The following CTTNBP2 variants were observed in gnomAD, a reference collection of about 807,000 sequenced individuals.
CTTNBP2 encodes cortactin binding protein 2.
Under a neutral mutation model 156.9 loss-of-function variants are expected in CTTNBP2, and 108 were observed. The observed-to-expected ratio is 0.69, with a 90% CI of 0.59 to 0.81. CTTNBP2 has a LOEUF of 0.81. CTTNBP2 is among the 30% of genes least tolerant of loss of function. The probability of loss-of-function intolerance (pLI) is 0.00; values close to 1 mark genes in which losing one functional copy is unlikely to be tolerated. For synonymous variants in CTTNBP2, 767 were observed against 751.8 expected (o/e 1.02, Z -0.33); for missense variants, 1,924 against 2,035.4 (o/e 0.95, Z 1.05).
chr7:117,793,629 T>C (rs1799158551), intron 3 of CTTNBP2: 1 of 152,144 alleles, frequency 6.6e-6, no homozygotes, highest in African/African-American at 2.4e-5. Context: ...CAGCCCTCTC[T>C]CCCTTCCTTG....
At chr7:117,860,234 A>T (rs1803622675) in intron 2 of CTTNBP2, among the ~76,000 whole-genome samples, 1 of 152,244 alleles carries the variant, frequency 6.6e-6, no homozygotes, top group South Asian at 2.1e-4. Flanking sequence ...GAAGGAAAAA[A>T]ACAAGCACCA....
chr7:117,817,685 A>C (rs1165667083), intron 2 of CTTNBP2, among the ~76,000 whole-genome samples: 1 of 151,998 alleles, frequency 6.6e-6, no homozygotes, highest in Non-Finnish European at 1.5e-5. Context: ...CATACTGACA[A>C]GCTTATAAGC....
chr7:117,732,476 C>T (rs1280635016), intron 16 of CTTNBP2, among the ~76,000 whole-genome samples: 1 of 145,500 alleles, frequency 6.9e-6, no homozygotes, highest in African/African-American at 2.8e-5. Flanking sequence ...TGGTGAAACC[C>T]CGTCTCTACT....
intron 17 of CTTNBP2, among the ~76,000 whole-genome samples, chr7:117,727,538 C>A (rs1175334941): frequency 6.6e-6 from 1 of 152,170 alleles, no homozygotes; most frequent in Non-Finnish European, 1.5e-5. Flanking sequence ...TAGACTTCTG[C>A]CCATGGCACC....
At chr7:117,806,736 T>C (rs1037049412) in intron 3 of CTTNBP2, among the ~76,000 whole-genome samples, 5 of 136,350 alleles carry the variant, frequency 3.7e-5, no homozygotes, top group Non-Finnish European at 6.1e-5. Flanking sequence ...TTCTTTCTTC[T>C]TTTTCTCATT....
At position 117,723,078 on chromosome 7, in the gene CTTNBP2, A is replaced by C. The variant is rs563985852; in HGVS notation, c.4447+1469T>G. On this transcript the variant is annotated intron_variant, in intron 19 of 22. Coordinates refer to ENST00000160373, the MANE Select transcript of CTTNBP2 (RefSeq NM_033427.3). ...GGTGGGCTGGAGTCTAGTGATTCTTACTCCCTAAATCAAACACTCTGACAA... is the reference window on the plus strand; with the variant it reads ...GGTGGGCTGGAGTCTAGTGATTCTTCCTCCCTAAATCAAACACTCTGACAA... 4.6e-5 allele frequency among the ~76,000 whole-genome samples: 7 copies of C among 152,238 alleles called. 1 individual carries two copies. In the South Asian group the frequency reaches 1.5e-3, roughly 32 times the overall value.
At position 117,780,047 on chromosome 7, in the gene CTTNBP2, A is replaced by C. The variant is rs528747470; in HGVS notation, c.2523+394T>G. On this transcript the variant is annotated intron_variant, in intron 7 of 22. Coordinates refer to ENST00000160373, the MANE Select transcript of CTTNBP2 (RefSeq NM_033427.3). ...AGTGCTGGGATTACATGCGTGAGCC[A>C]CCACGCCCAGCCACATCTCTGCTTA... Among the ~76,000 whole-genome samples the C allele has an allele frequency of 2.0e-5, 3 of 152,316 alleles. No individual in the cohort carries two copies. The East Asian group carries it at 5.8e-4, about 29-fold the overall frequency.
At position 117,735,428 on chromosome 7, in the gene CTTNBP2, T is replaced by C; in HGVS notation, c.3536-7A>G. The C allele has an allele frequency of 6.3e-7, 1 of 1,584,324 alleles. No individual in the cohort carries two copies. The highest frequency in any genetic ancestry group is 1.2e-5 in the South Asian group (1 of 85,176). ...TTCACTGGGATCAGACAAGCTATAATAAAAAAGGAAATTCAGTGATTCAAG... is the reference window on the plus strand; with the variant it reads ...TTCACTGGGATCAGACAAGCTATAACAAAAAAGGAAATTCAGTGATTCAAG... On this transcript the variant is annotated splice_polypyrimidine_tract_variant and splice_region_variant and intron_variant, in intron 14 of 22. Coordinates refer to ENST00000160373, the MANE Select transcript of CTTNBP2 (RefSeq NM_033427.3).
chr7:117,738,653 A>G (rs1795834598), intron 14 of CTTNBP2, among the ~76,000 whole-genome samples: 1 of 152,176 alleles, frequency 6.6e-6, no homozygotes, highest in African/African-American at 2.4e-5. Flanking sequence ...CAGAGAGCAG[A>G]TGTGACCAAG....
intron 21 of CTTNBP2, among the ~76,000 whole-genome samples, chr7:117,719,125 C>T (rs1474676323): frequency 6.6e-6 from 1 of 152,076 alleles, no homozygotes. Context: ...TGCTTGAACC[C>T]GGGAGGCGGA....
At chr7:117,756,713 TAGA>T in intron 11 of CTTNBP2, 79 bp from the exon 12 acceptor site, 1 of 968,884 alleles carries the variant, frequency 1.0e-6, no homozygotes, top group Admixed American at 1.7e-5. Flanking sequence ...GAATCTATCA[TAGA>T]AGATGAATGT....
rs564673856 is a variant in CTTNBP2 at position 117,873,197 on chromosome 7, G to T, written c.81+138C>A. ...CGTGTGGGCATCCCGAGGAAGGGGG[G>T]CCCCGATGAAGGGGCACCGGAGAGT... On this transcript the variant is annotated intron_variant, in intron 1 of 22. Coordinates refer to ENST00000160373, the MANE Select transcript of CTTNBP2 (RefSeq NM_033427.3). 1.1e-5 allele frequency: 7 copies of T among 621,280 alleles called. No homozygotes were observed. In the South Asian group the frequency reaches 3.3e-4, roughly 29 times the overall value. 38.5% of individuals were successfully genotyped at this position (621,280 alleles called of 1,614,324 possible). A position where few individuals can be genotyped will look rare whatever the true frequency, so the allele number is the denominator to read the frequency against.
chr7:117,830,436 T>G (rs1173952346), intron 2 of CTTNBP2, among the ~76,000 whole-genome samples: 1 of 152,174 alleles, frequency 6.6e-6, no homozygotes, highest in African/African-American at 2.4e-5. Flanking sequence ...CCAAGATCAA[T>G]TAACCTGCTA....
chr7:117,849,905 AC>A (rs1802829212), intron 2 of CTTNBP2, among the ~76,000 whole-genome samples: 1 of 152,222 alleles, frequency 6.6e-6, no homozygotes, highest in African/African-American at 2.4e-5. Context: ...AGATAGAAAG[AC>A]CTGGGTCCAA....
chr7:117,733,562 ACTGTCTTTAC>A (rs1172664500), intron 16 of CTTNBP2, among the ~76,000 whole-genome samples: 1 of 152,220 alleles, frequency 6.6e-6, no homozygotes, highest in Non-Finnish European at 1.5e-5. Context: ...CAGACCTATG[ACTGTCTTTAC>A]CTCACCATTC....
Position 117,782,981 on chromosome 7 carries a change from G to C in CTTNBP2, c.2273-20C>G. ...CACAGTCTATGGATTTTAATAGAAA[G>C]CCATGTAAATTCCCCATTTGGAGTT... On this transcript the variant is annotated intron_variant, in intron 5 of 22. Transcript: ENST00000160373. 6.3e-7 allele frequency: 1 copy of C among 1,578,612 alleles called. No homozygotes were observed. Among genetic ancestry groups the C allele is most frequent in the Non-Finnish European group, 8.7e-7 (1 of 1,151,608 alleles).
intron 3 of CTTNBP2, among the ~76,000 whole-genome samples, chr7:117,802,437 CAAAAAAAAA>C (rs759797673): frequency 2.4e-5 from 2 of 83,742 alleles, no homozygotes; most frequent in African/African-American, 6.3e-5. Context: ...TCAGCATTGG[CAAAAAAAAA>C]AAAAAAAAAA....
intron 3 of CTTNBP2, among the ~76,000 whole-genome samples, chr7:117,807,954 C>T (rs1332444375): frequency 6.6e-6 from 1 of 152,226 alleles, no homozygotes; most frequent in Non-Finnish European, 1.5e-5. Context: ...ATTGGCTTCA[C>T]CAGCTCAAAA....
intron 17 of CTTNBP2, among the ~76,000 whole-genome samples, chr7:117,726,214 C>A (rs1360834505): frequency 6.6e-6 from 1 of 152,224 alleles, no homozygotes; most frequent in East Asian, 1.9e-4. Context: ...TATTAAAAAA[C>A]ACTTATATGA....
Sources: allele counts gnomAD v4.1 joint callset (sites outside exome capture counted in the v4.1 genomes callset), GRCh38; gene constraint gnomAD v4.1.1; transcripts MANE v1.5; gene names NCBI Gene and HGNC (gene_info 2026-07-23, HGNC 2026-07-21).